The following CDH12 variants were observed in gnomAD, a reference collection of about 807,000 sequenced individuals.
The protein encoded by CDH12 is cadherin 12.
In CDH12, 41 loss-of-function variants were observed where a neutral mutation model predicts 74.1. The observed-to-expected ratio is 0.55, with a 90% CI of 0.43 to 0.72. The LOEUF is 0.72. Ranked by LOEUF, CDH12 falls within the 30% of genes least tolerant of loss-of-function variation. The pLI is 0.00. For synonymous variants in CDH12, 399 were observed against 355.0 expected (o/e 1.12, Z -1.39); for missense variants, 945 against 977.2 (o/e 0.97, Z 0.44).
chr5:22,469,871 A>G (rs1265437453), intron 2 of CDH12, among the ~76,000 whole-genome samples: 2 of 152,204 alleles, frequency 1.3e-5, no homozygotes, highest in African/African-American at 2.4e-5. Flanking sequence ...ATCTCATAGC[A>G]AAGTTTCTAA....
chr5:22,690,643 C>T (rs981815364), intron 1 of CDH12, among the ~76,000 whole-genome samples: 1 of 152,076 alleles, frequency 6.6e-6, no homozygotes, highest in African/African-American at 2.4e-5. Context: ...CAATGATAGA[C>T]ATTCTGATAA....
chr5:22,539,765 G>T (rs774813587), intron 1 of CDH12, among the ~76,000 whole-genome samples: 1 of 152,216 alleles, frequency 6.6e-6, no homozygotes. Context: ...GATGTGATCT[G>T]TAGAGATGCC....
intron 1 of CDH12, among the ~76,000 whole-genome samples, chr5:22,560,526 T>G (rs539868014): frequency 1.3e-5 from 2 of 152,196 alleles, no homozygotes; most frequent in East Asian, 3.9e-4. Context: ...AACAAAATGT[T>G]GAAAGCAAAA....
chr5:22,585,466 T>C (rs1259269390), intron 1 of CDH12, among the ~76,000 whole-genome samples: 1 of 152,178 alleles, frequency 6.6e-6, no homozygotes, highest in Admixed American at 6.5e-5. Context: ...TTTTTAGTAA[T>C]GATATTGTAA....
intron 4 of CDH12, among the ~76,000 whole-genome samples, chr5:22,172,922 C>T (rs1003416575): frequency 8.6e-5 from 13 of 151,422 alleles, no homozygotes; most frequent in Admixed American, 8.6e-4. Flanking sequence ...TGAGGATGAA[C>T]CACAACCCAT....
At chr5:22,352,170 T>C (rs536291035) in intron 3 of CDH12, among the ~76,000 whole-genome samples, 112 of 152,064 alleles carry the variant, frequency 7.4e-4, no homozygotes, top group Non-Finnish European at 1.3e-3. Context: ...TTTTTCCATC[T>C]CTTCATTATC....
intron 1 of CDH12, among the ~76,000 whole-genome samples, chr5:22,837,227 T>G (rs1242636346): frequency 6.6e-6 from 1 of 152,064 alleles, no homozygotes; most frequent in Non-Finnish European, 1.5e-5. Flanking sequence ...GAGACCAGAC[T>G]GGGCAACACA....
chr5:22,731,803 T>A (rs1744443048), intron 1 of CDH12, among the ~76,000 whole-genome samples: 1 of 151,888 alleles, frequency 6.6e-6, no homozygotes, highest in South Asian at 2.1e-4. Context: ...TCTCTAAACA[T>A]CTTTCAGTTT....
At chr5:22,430,706 G>T (rs1477164618) in intron 2 of CDH12, among the ~76,000 whole-genome samples, 1 of 152,050 alleles carries the variant, frequency 6.6e-6, no homozygotes, top group Non-Finnish European at 1.5e-5. Context: ...GGAATAAGTG[G>T]CTATTATACA....
At chr5:21,971,092 A>T (rs559912941) in intron 6 of CDH12, among the ~76,000 whole-genome samples, 1 of 151,886 alleles carries the variant, frequency 6.6e-6, no homozygotes, top group African/African-American at 2.4e-5. Context: ...TTTCTTTTTA[A>T]GATATTGAAT....
chr5:21,844,274 C>G (rs1406058742), intron 7 of CDH12, among the ~76,000 whole-genome samples: 2 of 152,000 alleles, frequency 1.3e-5, no homozygotes, highest in African/African-American at 4.8e-5. Flanking sequence ...TCTTCTCCCA[C>G]CTTAAAATAA....
chr5:22,345,061 T>C (rs1740052902), intron 3 of CDH12, among the ~76,000 whole-genome samples: 1 of 152,350 alleles, frequency 6.6e-6, no homozygotes. Flanking sequence ...ACTTGCCAAT[T>C]TCAAAATAAA....
rs1490336535 is a variant in CDH12 at position 21,938,748 on chromosome 5, A to ATATATCTC, written c.526+36342_526+36343insGAGATATA. 6.6e-5 allele frequency among the ~76,000 whole-genome samples: 9 copies of ATATATCTC among 136,604 alleles called. No homozygotes were observed. The South Asian group carries it at 2.1e-3, about 32-fold the overall frequency. 89.6% of individuals were successfully genotyped at this position (136,604 alleles called of 152,430 possible). ...CATATATATATATATATATATATAT[A>ATATATCTC]TCTTCTACATATCAGTGCTCTGTCA... On this transcript the variant is annotated intron_variant, in intron 6 of 14. Transcript: ENST00000382254.
intron 4 of CDH12, among the ~76,000 whole-genome samples, chr5:22,110,740 G>A (rs1365622623): frequency 1.3e-5 from 2 of 152,136 alleles, no homozygotes; most frequent in Non-Finnish European, 1.5e-5. Context: ...TGGGAATAAT[G>A]TTTGGTAATC....
intron 2 of CDH12, among the ~76,000 whole-genome samples, chr5:22,465,055 AG>A (rs1333171570): frequency 7.7e-5 from 8 of 103,926 alleles, no homozygotes; most frequent in South Asian, 4.1e-4. Context: ...GGAGGAAGGG[AG>A]GGGGGGAAAG....
rs144214882 is a variant in CDH12 at position 21,768,455 on chromosome 5, T to C, written c.1394-3356A>G. Among the ~76,000 whole-genome samples the C allele has an allele frequency of 5.9e-4, 89 of 151,926 alleles. 1 individual carries two copies. Among genetic ancestry groups the C allele is most frequent in the African/African-American group, 1.8e-3 (76 of 41,526 alleles). ...AAAGGAAAATAATAAATTACCTAAATCTGAAATGAATTAACTACTTCTCAT... is the reference window on the plus strand; with the variant it reads ...AAAGGAAAATAATAAATTACCTAAACCTGAAATGAATTAACTACTTCTCAT... On this transcript the variant is annotated intron_variant, in intron 11 of 14. Transcript: ENST00000382254.
Position 21,894,109 on chromosome 5 carries a change from C to T in CDH12, c.527-39319G>A, listed in dbSNP as rs113168946. Among the ~76,000 whole-genome samples, 841 of 152,086 alleles carry T rather than the reference C, an allele frequency of 5.5e-3. 12 individuals carry two copies. The highest frequency in any genetic ancestry group is 0.019 in the African/African-American group (797 of 41,498). On this transcript the variant is annotated intron_variant, in intron 6 of 14. Transcript: ENST00000382254. ...AAAGATAAATATTGGCTGGGCAGAGCGGTTCATGCCTGTAATCCCAGCACT... is the reference window on the plus strand; with the variant it reads ...AAAGATAAATATTGGCTGGGCAGAGTGGTTCATGCCTGTAATCCCAGCACT...
At chr5:22,177,253 C>T (rs1394301378) in intron 4 of CDH12, among the ~76,000 whole-genome samples, 1 of 151,994 alleles carries the variant, frequency 6.6e-6, no homozygotes, top group South Asian at 2.1e-4. Flanking sequence ...CACAAATTTC[C>T]CTACCTATTT....
At chr5:22,084,684 T>A (rs1387816862) in intron 4 of CDH12, among the ~76,000 whole-genome samples, 1 of 152,154 alleles carries the variant, frequency 6.6e-6, no homozygotes, top group African/African-American at 2.4e-5. Context: ...CCAATGTTAT[T>A]TTCAGTACAG....
Sources: gnomAD v4.1 joint callset for allele counts (sites outside exome capture counted in the v4.1 genomes callset) on GRCh38, gnomAD v4.1.1 for gene constraint, MANE v1.5 for transcripts, NCBI Gene and HGNC (gene_info 2026-07-23, HGNC 2026-07-21) for gene names.